The following ATP5MC3 variants were observed in gnomAD, a reference collection of about 807,000 sequenced individuals.
ATP5MC3 encodes the protein ATP synthase membrane subunit c locus 3, also known as ATP synthase F(0) complex subunit C3, mitochondrial.
Under a neutral mutation model 15.6 loss-of-function variants are expected in ATP5MC3, and 6 were observed. That is an observed-to-expected ratio of 0.38 (90% CI 0.21 to 0.76). ATP5MC3 has a LOEUF of 0.76. ATP5MC3 is among the 30% of genes least tolerant of loss of function. The pLI is 0.44. For missense variants in ATP5MC3, 132 were observed against 171.2 expected, an observed-to-expected ratio of 0.77 and a Z score of 1.28; for synonymous variants, 66 against 63.3, an observed-to-expected ratio of 1.04 and a Z score of -0.20.
Position 175,181,454 on chromosome 2 carries a change from T to G in ATP5MC3, c.-61A>C, listed in dbSNP as rs940746869. On this transcript the variant is annotated 5_prime_UTR_variant, in exon 2 of 5. Coordinates refer to ENST00000284727, the MANE Select transcript of ATP5MC3 (RefSeq NM_001689.5). ...GGGTGACAGGCGACGTGGGCTCCTC[T>G]CCCGCTTCCTCTCTGCGGAGGAAAA... 51 of 1,598,924 alleles carry G rather than the reference T, an allele frequency of 3.2e-5. No homozygotes were observed. Among genetic ancestry groups the G allele is most frequent in the Non-Finnish European group, 3.8e-5 (44 of 1,169,730 alleles).
chr2:175,177,530 A>G lies in ATP5MC3; in HGVS notation c.*758T>C, dbSNP rs1700706829. ...CATCCCCAAGACTCCCACTATAAAC[A>G]TGTTAGCAACAGTGATACACACTGC... On this transcript the variant is annotated 3_prime_UTR_variant, in exon 5 of 5. Transcript: ENST00000284727. The G allele has an allele frequency of 6.6e-6, 1 of 152,156 alleles. No individual in the cohort carries two copies. Among genetic ancestry groups the G allele is most frequent in the Non-Finnish European group, 1.5e-5 (1 of 68,008 alleles). 9.4% of individuals were successfully genotyped at this position (152,156 alleles called of 1,614,324 possible). A position where few individuals can be genotyped will look rare whatever the true frequency, so the allele number is the denominator to read the frequency against.
Position 175,178,148 on chromosome 2 carries a change from A to C in ATP5MC3, c.*140T>G. The C allele has an allele frequency of 7.1e-7, 1 of 1,399,900 alleles. No individual in the cohort carries two copies. Among genetic ancestry groups the C allele is most frequent in the Non-Finnish European group, 9.3e-7 (1 of 1,070,182 alleles). 86.7% of individuals were successfully genotyped at this position (1,399,900 alleles called of 1,614,324 possible). On this transcript the variant is annotated 3_prime_UTR_variant, in exon 5 of 5. Transcript: ENST00000284727. ...AAGTACAAATCACAGAAGAAATTAA[A>C]GTTTTCATCTTTAATGAAATGACTT...
chr2:175,181,026 T>C (rs1004995016), intron 2 of ATP5MC3, among the ~76,000 whole-genome samples: 9 of 152,156 alleles, frequency 5.9e-5, no homozygotes, highest in Non-Finnish European at 1.3e-4. Context: ...TCTGCAGTAC[T>C]CCAACCTTCG....
At chr2:175,179,391 T>A in intron 3 of ATP5MC3, 141 bp from the exon 4 acceptor site, 1 of 1,117,484 alleles carries the variant, frequency 8.9e-7, no homozygotes, top group East Asian at 2.7e-5. Context: ...CTTAGAATAA[T>A]CTCACTCTTG....
In ATP5MC3 at chr2:175,177,586, G is replaced by A. The variant is rs539497755; in HGVS notation, c.*702C>T. Reference sequence around the variant, plus strand: ...AGCAATTTTTGGCTGTAAAAATCTAGCCAATTCAGTTTTTTGATATTTGGT... The same window carrying A: ...AGCAATTTTTGGCTGTAAAAATCTAACCAATTCAGTTTTTTGATATTTGGT... On this transcript the variant is annotated 3_prime_UTR_variant, in exon 5 of 5. Transcript: ENST00000284727. 3.9e-5 allele frequency: 6 copies of A among 152,216 alleles called. No homozygotes were observed. In the South Asian group the frequency reaches 1.2e-3, roughly 32 times the overall value. The allele number at this position is 152,216 out of a possible 1,614,324, so 9.4% of individuals were successfully genotyped here. A position where few individuals can be genotyped will look rare whatever the true frequency, so the allele number is the denominator to read the frequency against.
chr2:175,179,573 T>G (rs1308413184), intron 3 of ATP5MC3: 1 of 238,840 alleles, frequency 4.2e-6, no homozygotes, highest in Non-Finnish European at 8.1e-6. Flanking sequence ...TGTGGTGTGA[T>G]CATAGCTCAC....
intron 2 of ATP5MC3, among the ~76,000 whole-genome samples, chr2:175,181,054 CAG>C (rs1233942476): frequency 3.3e-5 from 5 of 152,216 alleles, no homozygotes; most frequent in South Asian, 4.1e-4. Flanking sequence ...CCCAATCCAA[CAG>C]AGAGGCTGAG....
intron 2 of ATP5MC3, 129 bp downstream of exon 2, chr2:175,181,226 T>C (rs1254995264): frequency 9.2e-5 from 104 of 1,129,842 alleles, no homozygotes; most frequent in Non-Finnish European, 1.2e-4. Flanking sequence ...AATGGGTTAA[T>C]AGGTAAGGAG....
intron 3 of ATP5MC3, chr2:175,179,863 A>T: frequency 2.1e-6 from 1 of 465,834 alleles, no homozygotes; most frequent in Non-Finnish European, 3.7e-6. Flanking sequence ...AGGCAACTTA[A>T]ATCAATAGAC....
In ATP5MC3 at chr2:175,181,693, G is replaced by A; in HGVS notation, c.-111C>T. ...CGGCGGCGGCACGGGCTGCGGCAGA[G>A]GTCGAAGGAGTGGGACTCAATGCGC... is the stretch of plus-strand genomic sequence containing the variant. On this transcript the variant is annotated 5_prime_UTR_variant, in exon 1 of 5. Transcript: ENST00000284727. 2 of 428,004 alleles carry A rather than the reference G, an allele frequency of 4.7e-6. No homozygotes were observed. The highest frequency in any genetic ancestry group is 4.0e-5 in the South Asian group (1 of 24,692). 26.5% of individuals were successfully genotyped at this position (428,004 alleles called of 1,614,324 possible).
At chr2:175,180,021 G>C in intron 3 of ATP5MC3, 77 bp downstream of exon 3, 1 of 1,237,300 alleles carries the variant, frequency 8.1e-7, no homozygotes, top group Non-Finnish European at 1.1e-6. Context: ...TATTAATAAA[G>C]TTTTTTTCCT....
rs1193288346 is a variant in ATP5MC3, at chr2:175,177,697, C to G, written c.*591G>C. The G allele has an allele frequency of 6.6e-6, 1 of 152,148 alleles. No individual in the cohort carries two copies. Among genetic ancestry groups the G allele is most frequent in the Non-Finnish European group, 1.5e-5 (1 of 68,010 alleles). 9.4% of individuals were successfully genotyped at this position (152,148 alleles called of 1,614,324 possible). On this transcript the variant is annotated 3_prime_UTR_variant, in exon 5 of 5. Transcript: ENST00000284727. ...AGACATGGAAGATTCATTAGAGGCACACAATTGCTTAATGTGAGACTTACT... is the reference window on the plus strand; with the variant it reads ...AGACATGGAAGATTCATTAGAGGCAGACAATTGCTTAATGTGAGACTTACT...
intron 3 of ATP5MC3, chr2:175,179,864 A>T: frequency 2.1e-6 from 1 of 467,248 alleles, no homozygotes; most frequent in Non-Finnish European, 3.7e-6. Context: ...GGCAACTTAA[A>T]TCAATAGACT....
Position 175,178,238 on chromosome 2 carries a change from G to C in ATP5MC3, c.*50C>G. The C allele has an allele frequency of 1.3e-6, 2 of 1,589,028 alleles. No individual in the cohort carries two copies. The highest frequency in any genetic ancestry group is 8.5e-7 in the Non-Finnish European group (1 of 1,171,304). ...TTTCGGAGTCACAGTAAGATACACA[G>C]AATTACATCCGTAATTAATATGAAT... On this transcript the variant is annotated 3_prime_UTR_variant, in exon 5 of 5. Transcript: ENST00000284727.
At chr2:175,178,875 G>C in intron 4 of ATP5MC3, 182 bp downstream of exon 4, 1 of 1,173,566 alleles carries the variant, frequency 8.5e-7, no homozygotes, top group Middle Eastern at 3.0e-4. Flanking sequence ...CTTCATAGAT[G>C]TTATTCTCAT....
At position 175,179,188 on chromosome 2, in the gene ATP5MC3, C is replaced by A; in HGVS notation, c.183G>T (p.Gln61His). The A allele has an allele frequency of 6.2e-7, 1 of 1,614,204 alleles. No individual in the cohort carries two copies. The highest frequency in any genetic ancestry group is 2.2e-5 in the East Asian group (1 of 44,876). ...GVSQLIQREF[Q>H]TSAISRDIDT... Reference sequence around the variant, plus strand: ...CAATGTCTCTGCTGATTGCACTGGTCTGAAACTCCCTTTGGATTAGCTGAG... The same window carrying A: ...CAATGTCTCTGCTGATTGCACTGGTATGAAACTCCCTTTGGATTAGCTGAG... The change falls in exon 4 of 5, where the codon CAG (glutamine) becomes CAT (histidine). Residue 61 changes from glutamine to histidine, a missense_variant. By Grantham distance (24) the Gln-to-His change is conservative. Around this residue, in one of 2 missense-constraint regions of ATP5MC3, gnomAD observed 90 missense variants for 86.2 expected, o/e 1.04. Transcript: ENST00000284727.
At chr2:175,180,213 A>T in intron 2 of ATP5MC3, 35 bp from the exon 3 acceptor site, 1 of 1,504,584 alleles carries the variant, frequency 6.6e-7, no homozygotes, top group Non-Finnish European at 8.9e-7. Flanking sequence ...TTTCAATATT[A>T]AGAAAGAATA....
rs778823062 is a variant in ATP5MC3, at chr2:175,178,400, T to C, written c.317A>G (p.Asn106Ser). 1 of 1,599,048 alleles carries C rather than the reference T, an allele frequency of 6.3e-7. No individual in the cohort carries two copies. The highest frequency in any genetic ancestry group is 8.5e-7 in the Non-Finnish European group (1 of 1,175,892). The change falls in exon 5 of 5, where the codon AAC (asparagine) becomes AGC (serine). Residue 106 changes from asparagine to serine, a missense_variant and splice_region_variant. Transcript: ENST00000284727. ...GAACAGCTGCTGCTTCAGCGAAGGG[T>C]TTCTAAAAGAGACCACATATGACTG... ...FGSLIIGYAR[N>S]PSLKQQLFSY...
chr2:175,178,933 A>T, intron 4 of ATP5MC3, 124 bp downstream of exon 4: 1 of 1,396,472 alleles, frequency 7.2e-7, no homozygotes. Context: ...ATGCATACAA[A>T]GCCCTTTAAA....
Sources: gnomAD v4.1 joint callset for allele counts (sites outside exome capture counted in the v4.1 genomes callset) on GRCh38, gnomAD v4.1.1 for gene constraint, gnomAD v4.1.1 regional missense constraint, MANE v1.5 for transcripts, NCBI Gene and HGNC (gene_info 2026-07-23, HGNC 2026-07-21) for gene names.